Variants in PTPRG observed in about 807,000 individuals in gnomAD.
PTPRG encodes the protein receptor-type tyrosine-protein phosphatase gamma.
In PTPRG, 102 loss-of-function variants were observed where a neutral mutation model predicts 165.3. The ratio of observed to expected loss-of-function variants is 0.62; its 90% CI spans 0.53 to 0.73. PTPRG has a LOEUF of 0.73. Ranked by LOEUF, PTPRG falls within the 30% of genes least tolerant of loss-of-function variation. The probability of loss-of-function intolerance (pLI) is 0.00; values close to 1 mark genes in which losing one functional copy is unlikely to be tolerated. For synonymous variants in PTPRG, 675 were observed against 669.5 expected, an observed-to-expected ratio of 1.01 and a Z score of -0.13; for missense variants, 1,866 against 1,861.4, an observed-to-expected ratio of 1.00 and a Z score of -0.05.
At chr3:61,598,010 C>T (rs1288500738) in intron 1 of PTPRG, among the ~76,000 whole-genome samples, 2 of 152,106 alleles carry the variant, frequency 1.3e-5, no homozygotes, top group Non-Finnish European at 2.9e-5. Flanking sequence ...GGGGCACTGG[C>T]TATGGGAAGG....
chr3:61,703,970 T>G (rs1367022815), intron 1 of PTPRG, among the ~76,000 whole-genome samples: 1 of 152,156 alleles, frequency 6.6e-6, no homozygotes, highest in Non-Finnish European at 1.5e-5. Flanking sequence ...TTAAATAACT[T>G]ATCTTTGTGG....
chr3:62,258,550 C>T lies in PTPRG; in HGVS notation c.2559+3335C>T, dbSNP rs144877571. Among the ~76,000 whole-genome samples the T allele has an allele frequency of 2.9e-3, 436 of 152,184 alleles. 2 individuals carry two copies. Among genetic ancestry groups the T allele is most frequent in the African/African-American group, 0.01 (427 of 41,518 alleles). ...TCTCATCCATCATGTTTAAACATCTCGGAAGTAAAAAAATGTTGGTGAATA... is the reference window on the plus strand; with the variant it reads ...TCTCATCCATCATGTTTAAACATCTTGGAAGTAAAAAAATGTTGGTGAATA... On this transcript the variant is annotated intron_variant, in intron 16 of 29. Coordinates refer to ENST00000474889, the MANE Select transcript of PTPRG (RefSeq NM_002841.4).
chr3:61,972,529 A>G (rs1338226009), intron 2 of PTPRG, among the ~76,000 whole-genome samples: 1 of 152,104 alleles, frequency 6.6e-6, no homozygotes, highest in African/African-American at 2.4e-5. Flanking sequence ...AGACAATTGC[A>G]GTCATTTCTA....
At chr3:61,620,269 G>C (rs555132888) in intron 1 of PTPRG, among the ~76,000 whole-genome samples, 2 of 152,262 alleles carry the variant, frequency 1.3e-5, no homozygotes, top group Non-Finnish European at 2.9e-5. Context: ...CATGCGTAGG[G>C]AATTGAAATT....
At chr3:61,663,453 A>G (rs1702722257) in intron 1 of PTPRG, among the ~76,000 whole-genome samples, 1 of 152,098 alleles carries the variant, frequency 6.6e-6, no homozygotes. Context: ...CTAACTTGCA[A>G]TGTTATTGTA....
chr3:62,107,329 CA>C (rs2106845509), intron 5 of PTPRG, among the ~76,000 whole-genome samples: 1 of 152,252 alleles, frequency 6.6e-6, no homozygotes, highest in East Asian at 1.9e-4. Context: ...TTTGTGTCCC[CA>C]AGTTTTCATT....
At position 61,989,608 on chromosome 3, in the gene PTPRG, T is replaced by C; in HGVS notation, c.191-17T>C. The C allele has an allele frequency of 6.2e-7, 1 of 1,609,870 alleles. No individual in the cohort carries two copies. Among genetic ancestry groups the C allele is most frequent in the Non-Finnish European group, 8.5e-7 (1 of 1,178,166 alleles). ...CCCTTGAACCATGAGGATTGAAGTGTTGTCTTCTTTCAACAGGTGCCTATG... is the reference window on the plus strand; with the variant it reads ...CCCTTGAACCATGAGGATTGAAGTGCTGTCTTCTTTCAACAGGTGCCTATG... On this transcript the variant is annotated splice_polypyrimidine_tract_variant and intron_variant, in intron 2 of 29. Coordinates refer to ENST00000474889, the MANE Select transcript of PTPRG (RefSeq NM_002841.4).
intron 2 of PTPRG, among the ~76,000 whole-genome samples, chr3:61,813,547 G>C (rs1308324540): frequency 3.9e-5 from 3 of 77,432 alleles, no homozygotes; most frequent in Middle Eastern, 6.9e-3. Context: ...GAAAATCTGT[G>C]TGTGTGTGTG....
intron 1 of PTPRG, among the ~76,000 whole-genome samples, chr3:61,627,690 T>A (rs1386524446): frequency 2.0e-5 from 3 of 152,270 alleles, no homozygotes; most frequent in Non-Finnish European, 4.4e-5. Flanking sequence ...TTCACTTTTT[T>A]AAATTTTAGA....
intron 1 of PTPRG, among the ~76,000 whole-genome samples, chr3:61,608,390 A>G (rs1701072375): frequency 6.6e-6 from 1 of 152,146 alleles, no homozygotes; most frequent in Non-Finnish European, 1.5e-5. Flanking sequence ...ATGTGATCTC[A>G]CCACGTGTGT....
At chr3:62,145,226 C>T (rs1704076215) in intron 6 of PTPRG, among the ~76,000 whole-genome samples, 1 of 152,158 alleles carries the variant, frequency 6.6e-6, no homozygotes, top group Admixed American at 6.5e-5. Context: ...CTTTGTGGCT[C>T]AGTTTTCTCA....
At chr3:62,073,215 G>C (rs1417000314) in intron 4 of PTPRG, among the ~76,000 whole-genome samples, 1 of 152,166 alleles carries the variant, frequency 6.6e-6, no homozygotes, top group East Asian at 1.9e-4. Flanking sequence ...TAGAATGCCA[G>C]TAATGAATAT....
intron 5 of PTPRG, among the ~76,000 whole-genome samples, chr3:62,088,324 C>T (rs1219524665): frequency 6.6e-6 from 1 of 152,186 alleles, no homozygotes; most frequent in Non-Finnish European, 1.5e-5. Flanking sequence ...CATCAACTAG[C>T]TAAGTGACTG....
At chr3:62,178,714 A>G (rs1705531400) in intron 8 of PTPRG, among the ~76,000 whole-genome samples, 1 of 152,174 alleles carries the variant, frequency 6.6e-6, no homozygotes, top group South Asian at 2.1e-4. Context: ...GGGGCCATCT[A>G]GTGTTTTCAC....
Position 62,203,392 on chromosome 3 carries a change from G to A in PTPRG, c.1597G>A (p.Val533Met), listed in dbSNP as rs1322324810. The change falls in exon 12 of 30, where the codon GTG (valine) becomes ATG (methionine). Residue 533 changes from valine to methionine, a missense_variant. Physicochemically the swap from Val to Met is conservative, Grantham distance 21. This residue lies in a region of PTPRG where 1,452 missense variants were observed against 1,463.0 expected (regional missense o/e 0.99). Transcript: ENST00000474889. The surrounding 1 kb of genome is among the most constrained non-coding windows in gnomAD (Gnocchi z 6.4). ...GGGISSFPSTVWPTRLPTAAS... is the reference protein window; with the variant it reads ...GGGISSFPSTMWPTRLPTAAS... Reference sequence around the variant, plus strand: ...TGGCATCTCCTCTTTCCCCAGCACTGTGTGGCCCACGCGCCTCCCGACGGC... The same window carrying A: ...TGGCATCTCCTCTTTCCCCAGCACTATGTGGCCCACGCGCCTCCCGACGGC... 2.5e-6 allele frequency: 4 copies of A among 1,613,542 alleles called. No individual in the cohort carries two copies. Among genetic ancestry groups the A allele is most frequent in the East Asian group, 2.2e-5 (1 of 44,852 alleles).
At position 61,742,389 on chromosome 3, in the gene PTPRG, C is replaced by A. The variant is rs150151986; in HGVS notation, c.86-6489C>A. 3.0e-4 allele frequency: 354 copies of A among 1,186,172 alleles called. No homozygotes were observed. In the African/African-American group the frequency reaches 4.5e-3, roughly 15 times the overall value. The allele number at this position is 1,186,172 out of a possible 1,614,324, so 73.5% of individuals were successfully genotyped here. On this transcript the variant is annotated intron_variant, in intron 1 of 29. Transcript: ENST00000474889. ...GACATTTTTATAGGAAGAAATTGGG[C>A]CTTTGGGTCTGGAATTTTTTTTTTT... is the stretch of plus-strand genomic sequence containing the variant.
In PTPRG at chr3:62,078,276, G is replaced by A; in HGVS notation, c.615+18G>A. 3 of 1,495,988 alleles carry A rather than the reference G, an allele frequency of 2.0e-6. No homozygotes were observed. Among genetic ancestry groups the A allele is most frequent in the East Asian group, 2.3e-5 (1 of 43,870 alleles). The allele number at this position is 1,495,988 out of a possible 1,614,324, so 92.7% of individuals were successfully genotyped here. A position where few individuals can be genotyped will look rare whatever the true frequency, so the allele number is the denominator to read the frequency against. The stretch of plus-strand genomic sequence containing the variant: ...TTTTTCAAGTAAGTTAACAGTGGCT[G>A]AAGTACTTCAAAGAATTCTTTGAGT... On this transcript the variant is annotated intron_variant, in intron 5 of 29. Coordinates refer to ENST00000474889, the MANE Select transcript of PTPRG (RefSeq NM_002841.4).
rs61183536 is a variant in PTPRG at position 61,691,036 on chromosome 3, A to G, written c.86-57842A>G. 9.7e-3 allele frequency among the ~76,000 whole-genome samples: 1,477 copies of G among 152,340 alleles called. 16 individuals are homozygous for G. Among genetic ancestry groups the G allele is most frequent in the African/African-American group, 0.034 (1,406 of 41,582 alleles). On this transcript the variant is annotated intron_variant, in intron 1 of 29. Transcript: ENST00000474889. ...GGAAATAAAATATGGCACGCCATCA[A>G]TGTGGAATATTAGGCACCCTCAAGT... is the stretch of plus-strand genomic sequence containing the variant.
At chr3:61,708,152 C>A (rs11130851) in intron 1 of PTPRG, among the ~76,000 whole-genome samples, 16,324 of 152,010 alleles carry the variant, frequency 0.11, 1,124 homozygotes, top group East Asian at 0.17. Flanking sequence ...TGTGCTGCTC[C>A]TACTAACAAA....
Sources: allele counts gnomAD v4.1 joint callset (sites outside exome capture counted in the v4.1 genomes callset), GRCh38; gene constraint gnomAD v4.1.1; regional missense constraint gnomAD v4.1.1; non-coding constraint Gnocchi (gnomAD v3.1); transcripts MANE v1.5; gene names NCBI Gene and HGNC (gene_info 2026-07-23, HGNC 2026-07-21).